The following UBE4B variants were observed in gnomAD, a reference collection of about 807,000 sequenced individuals.
UBE4B encodes the protein ubiquitin conjugation factor E4 B.
In UBE4B, 27 loss-of-function variants were observed where a neutral mutation model predicts 148.1. The observed-to-expected ratio is 0.18, with a 90% CI of 0.13 to 0.25. The LOEUF is 0.25. UBE4B is among the 10% of genes least tolerant of loss of function. The probability of loss-of-function intolerance (pLI) is 1.00; values close to 1 mark genes in which losing one functional copy is unlikely to be tolerated. For synonymous variants in UBE4B, 596 were observed against 619.3 expected (o/e 0.96, Z 0.56); for missense variants, 1,170 against 1,662.4 (o/e 0.70, Z 5.15).
intron 21 of UBE4B, among the ~76,000 whole-genome samples, 153 bp downstream of exon 21, chr1:10,151,714 T>C (rs971147291): frequency 1.3e-5 from 2 of 152,152 alleles, no homozygotes; most frequent in African/African-American, 4.8e-5. Context: ...GATGTACTTT[T>C]GGTTCTTCTT....
At chr1:10,164,349 A>G (rs1646214781) in intron 23 of UBE4B, among the ~76,000 whole-genome samples, 2 of 151,924 alleles carry the variant, frequency 1.3e-5, no homozygotes, top group Non-Finnish European at 2.9e-5. Flanking sequence ...CTCCGTCTCA[A>G]AAAAGAAAAA....
At chr1:10,055,770 AT>A (rs1359641830) in intron 1 of UBE4B, among the ~76,000 whole-genome samples, 1 of 152,072 alleles carries the variant, frequency 6.6e-6, no homozygotes, top group Non-Finnish European at 1.5e-5. Context: ...AAATACAAAA[AT>A]TAGCTGGGTG....
intron 25 of UBE4B, among the ~76,000 whole-genome samples, chr1:10,177,172 G>A (rs1646440870): frequency 6.6e-6 from 1 of 151,794 alleles, no homozygotes; most frequent in South Asian, 2.1e-4. Context: ...ATATTCTTGT[G>A]TTAGTCCATT....
intron 4 of UBE4B, among the ~76,000 whole-genome samples, chr1:10,101,423 T>G: frequency 6.6e-6 from 1 of 150,940 alleles, no homozygotes; most frequent in East Asian, 1.9e-4. Flanking sequence ...TTCAGGGCCA[T>G]GATTTTATCA....
rs757725666 is a variant in UBE4B, at chr1:10,105,563, C to A, written c.628C>A (p.Leu210Ile). 6.2e-7 allele frequency: 1 copy of A among 1,614,198 alleles called. No homozygotes were observed. The highest frequency in any genetic ancestry group is 8.5e-7 in the Non-Finnish European group (1 of 1,180,046). The change falls in exon 6 of 28, where the codon CTA becomes ATA. Residue 210 changes from leucine (L) to isoleucine (I), a missense_variant. This residue lies in a region of UBE4B where 91 missense variants were observed against 120.5 expected (regional missense o/e 0.76). Transcript: ENST00000343090. ...GATTGGCCAGATTTTAATGGAAGTG[C>A]TAATGATGTCCACTCAGACCAGAGA... ...DLIGQILMEV[L>I]MMSTQTRDEN...
At chr1:10,128,876 G>C (rs1228251229) in intron 11 of UBE4B, 1 of 152,554 alleles carries the variant, frequency 6.6e-6, no homozygotes, top group Non-Finnish European at 1.5e-5. Context: ...ATGTCTGAAG[G>C]AAAGTGTTGG....
At chr1:10,160,379 T>G (rs2102008008) in intron 22 of UBE4B, among the ~76,000 whole-genome samples, 1 of 152,334 alleles carries the variant, frequency 6.6e-6, no homozygotes, top group South Asian at 2.1e-4. Flanking sequence ...ATATGCGTTT[T>G]TCCTGTTCTA....
chr1:10,139,330 G>T (rs1645749159), intron 17 of UBE4B, among the ~76,000 whole-genome samples: 1 of 152,074 alleles, frequency 6.6e-6, no homozygotes, highest in Non-Finnish European at 1.5e-5. Context: ...GGCGGAGGTT[G>T]TAGTGAGCCA....
intron 21 of UBE4B, among the ~76,000 whole-genome samples, chr1:10,152,513 C>T (rs1188329185): frequency 2.7e-5 from 4 of 150,748 alleles, no homozygotes; most frequent in African/African-American, 4.9e-5. Context: ...ATGCTTTTAT[C>T]GGGGCCAGGT....
Position 10,117,689 on chromosome 1 carries a change from A to T in UBE4B, c.1338+89A>T, listed in dbSNP as rs915078088. On this transcript the variant is annotated intron_variant, in intron 8 of 27. Coordinates refer to ENST00000343090, the MANE Select transcript of UBE4B (RefSeq NM_001105562.3). Reference sequence around the variant, plus strand: ...CCTGGAGCATTCATTGATTTATTCAATCAGTAAAGCAATTATTGAGCATTT... The same window carrying T: ...CCTGGAGCATTCATTGATTTATTCATTCAGTAAAGCAATTATTGAGCATTT... 2.9e-5 allele frequency: 41 copies of T among 1,416,594 alleles called. No homozygotes were observed. In the South Asian group the frequency reaches 6.2e-4, roughly 21 times the overall value. The allele number at this position is 1,416,594 out of a possible 1,614,324, so 87.8% of individuals were successfully genotyped here. A position where few individuals can be genotyped will look rare whatever the true frequency, so the allele number is the denominator to read the frequency against.
intron 1 of UBE4B, among the ~76,000 whole-genome samples, chr1:10,062,933 G>A (rs1430948238): frequency 6.9e-6 from 1 of 145,328 alleles, no homozygotes; most frequent in African/African-American, 2.6e-5. Flanking sequence ...TCCAGCCTGG[G>A]AAACAAGAGT....
intron 9 of UBE4B, among the ~76,000 whole-genome samples, chr1:10,121,437 A>C: frequency 6.6e-6 from 1 of 152,114 alleles, no homozygotes; most frequent in East Asian, 1.9e-4. Context: ...AAGAGACAGA[A>C]TCTCACTCTG....
Position 10,106,530 on chromosome 1 carries a change from C to T in UBE4B, c.1143C>T (p.Pro381=), listed in dbSNP as rs753668938. The stretch of plus-strand genomic sequence containing the variant: ...GCAGCACGGGTCCACCCCTACCACC[C>T]GCCTCACCCAGTGCCACGAGCAGAC... ...RPSSTGPPLP[P]ASPSATSRRP... is the part of the protein sequence containing the mutation. Residue 381 remains proline (P), a synonymous_variant, in exon 7 of 28, where the codon CCC becomes CCT. Coordinates refer to ENST00000343090, the MANE Select transcript of UBE4B (RefSeq NM_001105562.3). This position sits in a 1 kb window ranked among gnomAD's most constrained non-coding sequence, Gnocchi z 4.2. 14 of 1,604,384 alleles carry T rather than the reference C, an allele frequency of 8.7e-6. No individual in the cohort carries two copies. The highest frequency in any genetic ancestry group is 4.4e-5 in the South Asian group (4 of 90,330).
At chr1:10,110,484 T>C (rs1211449890) in intron 7 of UBE4B, among the ~76,000 whole-genome samples, 1 of 151,998 alleles carries the variant, frequency 6.6e-6, no homozygotes, top group Non-Finnish European at 1.5e-5. Context: ...CAGACCTTCA[T>C]ATGTACCCCC....
chr1:10,060,077 C>G lies in UBE4B; in HGVS notation c.25-11951C>G, dbSNP rs1557519397. On this transcript the variant is annotated intron_variant, in intron 1 of 27. Transcript: ENST00000343090. The stretch of plus-strand genomic sequence containing the variant: ...CCTGTTCTATTCAGTCGTCAGGTCC[C>G]TGTGTGTGTGTGGAGGGGGTTGGGA... Among the ~76,000 whole-genome samples, 9 of 151,754 alleles carry G rather than the reference C, an allele frequency of 5.9e-5. No homozygotes were observed. In the South Asian group the frequency reaches 1.7e-3, roughly 28 times the overall value.
At chr1:10,095,626 C>G (rs1263958006) in intron 3 of UBE4B, 30 bp downstream of exon 3, 1 of 1,613,146 alleles carries the variant, frequency 6.2e-7, no homozygotes, top group Admixed American at 1.7e-5. Flanking sequence ...CTAATATGCT[C>G]TTTTATTTAG....
chr1:10,162,952 G>A (rs1317955610), intron 23 of UBE4B, among the ~76,000 whole-genome samples: 1 of 151,982 alleles, frequency 6.6e-6, no homozygotes, highest in Non-Finnish European at 1.5e-5. Flanking sequence ...TCGCCAATCA[G>A]CATAGCTGAA....
At chr1:10,144,741 A>G (rs1645840253) in intron 17 of UBE4B, among the ~76,000 whole-genome samples, 199 bp from the exon 18 acceptor site, 1 of 151,452 alleles carries the variant, frequency 6.6e-6, no homozygotes, top group Non-Finnish European at 1.5e-5. Flanking sequence ...CTTAAAAAAA[A>G]AAAAAAAAGA....
In UBE4B at chr1:10,168,500, T is replaced by C. The variant is rs999375305; in HGVS notation, c.3333+230T>C. ...CACATAGTCTACAGCCACTTCCAAA[T>C]GCCTTACTGCACTTTGTGCTTAGAC... On this transcript the variant is annotated intron_variant, in intron 24 of 27. Coordinates refer to ENST00000343090, the MANE Select transcript of UBE4B (RefSeq NM_001105562.3). This position sits in a 1 kb window ranked among gnomAD's most constrained non-coding sequence, Gnocchi z 4.9. Among the ~76,000 whole-genome samples, 3 of 152,246 alleles carry C rather than the reference T, an allele frequency of 2.0e-5. No individual in the cohort carries two copies. Among genetic ancestry groups the C allele is most frequent in the Non-Finnish European group, 4.4e-5 (3 of 68,048 alleles).
Sources: allele counts gnomAD v4.1 joint callset (sites outside exome capture counted in the v4.1 genomes callset), GRCh38; gene constraint gnomAD v4.1.1; regional missense constraint gnomAD v4.1.1; non-coding constraint Gnocchi (gnomAD v3.1); transcripts MANE v1.5; gene names NCBI Gene and HGNC (gene_info 2026-07-23, HGNC 2026-07-21).